Variants in KCTD8 observed in about 807,000 individuals in gnomAD.
The protein encoded by KCTD8 is BTB/POZ domain-containing protein KCTD8.
A neutral mutation model predicts 31.5 loss-of-function variants in KCTD8; 27 were observed. That is an observed-to-expected ratio of 0.86 (90% CI 0.63 to 1.18). The LOEUF is 1.18. Among genes scored for constraint, KCTD8 ranks in the 50% most tolerant of loss-of-function variants. KCTD8 has a pLI of 0.00. For synonymous variants in KCTD8, 290 were observed against 280.0 expected, an observed-to-expected ratio of 1.04 and a Z score of -0.36; for missense variants, 658 against 647.7, an observed-to-expected ratio of 1.02 and a Z score of -0.17.
At chr4:44,391,856 C>T (rs1480793156) in intron 1 of KCTD8, among the ~76,000 whole-genome samples, 2 of 151,924 alleles carry the variant, frequency 1.3e-5, no homozygotes, top group Non-Finnish European at 2.9e-5. Flanking sequence ...AGTTAATCCA[C>T]GTGATTCCAT....
chr4:44,248,033 G>A (rs376604297), intron 1 of KCTD8, among the ~76,000 whole-genome samples: 121 of 151,954 alleles, frequency 8.0e-4, no homozygotes, highest in African/African-American at 2.7e-3. Flanking sequence ...TTCTTTTACT[G>A]TTTGTTTTCC....
chr4:44,432,750 G>T (rs1482340192), intron 1 of KCTD8, among the ~76,000 whole-genome samples: 1 of 151,620 alleles, frequency 6.6e-6, no homozygotes, highest in Non-Finnish European at 1.5e-5. Context: ...CTCCAGTTCT[G>T]CAATTTGTTA....
At chr4:44,348,589 A>G (rs111492981) in intron 1 of KCTD8, among the ~76,000 whole-genome samples, 4,135 of 152,228 alleles carry the variant, frequency 0.027, 192 homozygotes, top group African/African-American at 0.094. Flanking sequence ...TTGTATACTA[A>G]TTCCTTACCA....
chr4:44,447,461 G>T (rs1286283270), intron 1 of KCTD8, 102 bp downstream of exon 1: 2 of 1,424,454 alleles, frequency 1.4e-6, no homozygotes, highest in Non-Finnish European at 1.8e-6. Context: ...GTTAACCAGC[G>T]CCTGCCCCGG....
chr4:44,195,187 CTT>C (rs34829084), intron 1 of KCTD8, among the ~76,000 whole-genome samples: 3 of 147,720 alleles, frequency 2.0e-5, no homozygotes, highest in Admixed American at 1.4e-4. Flanking sequence ...TAAATACATA[CTT>C]TTTTTTTTTG....
At chr4:44,254,785 T>C (rs972150424) in intron 1 of KCTD8, among the ~76,000 whole-genome samples, 2 of 151,878 alleles carry the variant, frequency 1.3e-5, no homozygotes, top group African/African-American at 4.8e-5. Context: ...CCAGTTGCTT[T>C]AAATATTTTA....
At chr4:44,374,274 C>T (rs1391052084) in intron 1 of KCTD8, among the ~76,000 whole-genome samples, 3 of 152,092 alleles carry the variant, frequency 2.0e-5, no homozygotes, top group Admixed American at 6.6e-5. Flanking sequence ...AGCGGGCTGA[C>T]CTAAAGACTG....
chr4:44,238,669 C>A (rs1715361389), intron 1 of KCTD8, among the ~76,000 whole-genome samples: 1 of 152,056 alleles, frequency 6.6e-6, no homozygotes, highest in East Asian at 1.9e-4. Flanking sequence ...AAAACAAATT[C>A]ATTTCTACAT....
chr4:44,251,758 A>G (rs1255221198), intron 1 of KCTD8, among the ~76,000 whole-genome samples: 1 of 151,486 alleles, frequency 6.6e-6, no homozygotes. Flanking sequence ...TTATTGAGTT[A>G]AGGAGAGACT....
At chr4:44,392,218 T>C (rs918624887) in intron 1 of KCTD8, among the ~76,000 whole-genome samples, 3 of 151,946 alleles carry the variant, frequency 2.0e-5, no homozygotes, top group Admixed American at 6.6e-5. Context: ...CTCCTTTCCT[T>C]TAAGTTGATC....
At chr4:44,413,282 C>T (rs914161686) in intron 1 of KCTD8, among the ~76,000 whole-genome samples, 1 of 152,108 alleles carries the variant, frequency 6.6e-6, no homozygotes, top group African/African-American at 2.4e-5. Flanking sequence ...ATTTAAGAAA[C>T]TTCTATATAT....
intron 1 of KCTD8, among the ~76,000 whole-genome samples, chr4:44,338,287 A>T (rs978228863): frequency 6.6e-6 from 1 of 152,196 alleles, no homozygotes; most frequent in Non-Finnish European, 1.5e-5. Flanking sequence ...TAGCATTAAA[A>T]ATAGTCTGAC....
chr4:44,312,439 G>A (rs1262003739), intron 1 of KCTD8, among the ~76,000 whole-genome samples: 1 of 152,014 alleles, frequency 6.6e-6, no homozygotes, highest in Non-Finnish European at 1.5e-5. Flanking sequence ...TTGGTCTTTT[G>A]TTTTTCCTTT....
At chr4:44,216,731 C>T (rs10028283) in intron 1 of KCTD8, among the ~76,000 whole-genome samples, 72,747 of 151,988 alleles carry the variant, frequency 0.48, 17,669 homozygotes, top group African/African-American at 0.55. Flanking sequence ...AAACAGTTCA[C>T]ATACATTGAA....
intron 1 of KCTD8, among the ~76,000 whole-genome samples, chr4:44,230,656 G>A (rs1472245913): frequency 1.3e-5 from 2 of 152,098 alleles, no homozygotes; most frequent in African/African-American, 2.4e-5. Flanking sequence ...AAAGTGACAG[G>A]CAGAAATGTA....
In KCTD8 at chr4:44,174,776, G is replaced by C. The variant is rs749190754; in HGVS notation, c.*14C>G. Reference sequence around the variant, plus strand: ...ATTGAATGTCATCAAAATACTGCAGGAATGTGACAATTACTATAACCCATA... The same window carrying C: ...ATTGAATGTCATCAAAATACTGCAGCAATGTGACAATTACTATAACCCATA... On this transcript the variant is annotated 3_prime_UTR_variant, in exon 2 of 2. Transcript: ENST00000360029. 9.0e-6 allele frequency: 14 copies of C among 1,562,128 alleles called. No individual in the cohort carries two copies. The highest frequency in any genetic ancestry group is 1.4e-5 in the African/African-American group (1 of 73,476).
At chr4:44,248,889 G>A (rs1715743068) in intron 1 of KCTD8, among the ~76,000 whole-genome samples, 1 of 151,778 alleles carries the variant, frequency 6.6e-6, no homozygotes. Context: ...ACTGTTTAGT[G>A]AGAAATAACA....
At position 44,431,591 on chromosome 4, in the gene KCTD8, CA is replaced by C. The variant is rs1406136406; in HGVS notation, c.961+15971del. Among the ~76,000 whole-genome samples the C allele has an allele frequency of 2.0e-5, 3 of 151,056 alleles. No homozygotes were observed. The South Asian group carries it at 6.3e-4, about 31-fold the overall frequency. On this transcript the variant is annotated intron_variant, in intron 1 of 1. Transcript: ENST00000360029. ...AATTTAATTTTAAAAACAACAACAA[CA>C]AAAAAAACCTTACTCTATGTCTTCC...
At chr4:44,394,680 A>G (rs1720452409) in intron 1 of KCTD8, among the ~76,000 whole-genome samples, 1 of 152,084 alleles carries the variant, frequency 6.6e-6, no homozygotes, top group Admixed American at 6.6e-5. Flanking sequence ...CGTATGTGCT[A>G]TAAGACAGGT....
Sources: allele counts gnomAD v4.1 joint callset (sites outside exome capture counted in the v4.1 genomes callset), GRCh38; gene constraint gnomAD v4.1.1; transcripts MANE v1.5; gene names NCBI Gene and HGNC (gene_info 2026-07-23, HGNC 2026-07-21).